The following C10orf53 variants were observed in gnomAD, a reference collection of about 807,000 sequenced individuals.
C10orf53 encodes the protein chromosome 10 open reading frame 53, also known as UPF0728 protein C10orf53.
In C10orf53, 8 loss-of-function variants were observed where a neutral mutation model predicts 9.4. That is an observed-to-expected ratio of 0.85 (90% CI 0.50 to 1.53). C10orf53 has a LOEUF of 1.53. Among genes scored for constraint, C10orf53 ranks in the 40% most tolerant of loss-of-function variants. C10orf53 has a pLI of 0.00. For missense variants in C10orf53, 117 were observed against 117.8 expected (o/e 0.99, Z 0.03); for synonymous variants, 48 against 46.0 (o/e 1.04, Z -0.18).
At chr10:49,682,540 C>G (rs1487906590) in intron 1 of C10orf53, among the ~76,000 whole-genome samples, 1 of 1,126 alleles carries the variant, frequency 8.9e-4, no homozygotes, top group East Asian at 2.6e-3. Context: ...TGGAGGGGGA[C>G]AGGAGCCAGT....
intron 2 of C10orf53, among the ~76,000 whole-genome samples, chr10:49,706,688 T>C (rs1198609058): frequency 6.6e-6 from 1 of 152,162 alleles, no homozygotes; most frequent in Non-Finnish European, 1.5e-5. Context: ...CATAGTAAAA[T>C]CCATTGAATT....
intron 2 of C10orf53, among the ~76,000 whole-genome samples, chr10:49,706,541 G>A (rs548554091): frequency 6.6e-6 from 1 of 152,288 alleles, no homozygotes; most frequent in Admixed American, 6.5e-5. Flanking sequence ...GACAGAAAGT[G>A]GATTAGTGGT....
rs140627175 is a variant in C10orf53 at position 49,689,149 on chromosome 10, G to A, written c.98-4625G>A. Among the ~76,000 whole-genome samples the A allele has an allele frequency of 6.7e-3, 1,024 of 152,274 alleles. 11 individuals carry two copies. Among genetic ancestry groups the A allele is most frequent in the Non-Finnish European group, 8.3e-3 (566 of 68,024 alleles). On this transcript the variant is annotated intron_variant, in intron 1 of 2. Transcript: ENST00000374111. ...CTAGAACCACAGGAGGCAAGACTGC[G>A]GAGGAAGCAAGGAAAGACAGGACTG... is the stretch of plus-strand genomic sequence containing the variant.
chr10:49,688,395 C>T lies in C10orf53; in HGVS notation c.98-5379C>T, dbSNP rs954990163. On this transcript the variant is annotated intron_variant, in intron 1 of 2. Coordinates refer to ENST00000374111, the MANE Select transcript of C10orf53 (RefSeq NM_001042427.3). Reference sequence around the variant, plus strand: ...ACCCCCTCTGCATTTTTTGTCCACCCGCCATCATCTCCTGCCTGGATTACT... The same window carrying T: ...ACCCCCTCTGCATTTTTTGTCCACCTGCCATCATCTCCTGCCTGGATTACT... 1.2e-4 allele frequency among the ~76,000 whole-genome samples: 19 copies of T among 152,168 alleles called. No individual in the cohort carries two copies. The Middle Eastern group carries it at 0.01, about 82-fold the overall frequency.
downstream of C10orf53, among the ~76,000 whole-genome samples, chr10:49,697,632 A>T (rs57878482): frequency 6.6e-6 from 1 of 152,062 alleles, no homozygotes; most frequent in Non-Finnish European, 1.5e-5. Context: ...GTTCACTGCA[A>T]CCTCTGCCTC....
intron 1 of C10orf53, among the ~76,000 whole-genome samples, chr10:49,693,380 C>T (rs1321953919): frequency 6.6e-6 from 1 of 152,084 alleles, no homozygotes; most frequent in Non-Finnish European, 1.5e-5. Flanking sequence ...TGCCAAATTG[C>T]CCTCCAGAAG....
chr10:49,689,917 A>C (rs1437466743), intron 1 of C10orf53, among the ~76,000 whole-genome samples: 1 of 152,234 alleles, frequency 6.6e-6, no homozygotes, highest in Non-Finnish European at 1.5e-5. Flanking sequence ...AGAGATCAAA[A>C]AACATATTTG....
At chr10:49,680,529 G>A (rs1840468885) in intron 1 of C10orf53, among the ~76,000 whole-genome samples, 1 of 152,236 alleles carries the variant, frequency 6.6e-6, no homozygotes, top group African/African-American at 2.4e-5. Context: ...AATAAATGAT[G>A]TATTAATATT....
intron 2 of C10orf53, among the ~76,000 whole-genome samples, chr10:49,704,461 C>T (rs1017481341): frequency 6.6e-6 from 1 of 152,176 alleles, no homozygotes; most frequent in Non-Finnish European, 1.5e-5. Context: ...AGATACTAGG[C>T]CAGGCGCAGT....
chr10:49,690,933 C>T (rs567367634), intron 1 of C10orf53, among the ~76,000 whole-genome samples: 1 of 152,298 alleles, frequency 6.6e-6, no homozygotes, highest in African/African-American at 2.4e-5. Context: ...GTTCCACCAG[C>T]ACCGGCAAGG....
At chr10:49,690,894 G>A (rs1326416437) in intron 1 of C10orf53, among the ~76,000 whole-genome samples, 1 of 152,294 alleles carries the variant, frequency 6.6e-6, no homozygotes, top group African/African-American at 2.4e-5. Flanking sequence ...CTGACCAGCG[G>A]CATTTAAATC....
At chr10:49,686,478 A>T (rs536576249) in intron 1 of C10orf53, among the ~76,000 whole-genome samples, 115 of 152,328 alleles carry the variant, frequency 7.5e-4, no homozygotes, top group African/African-American at 2.7e-3. Flanking sequence ...GGCAGAATAC[A>T]GCCGTATTTT....
downstream of C10orf53, among the ~76,000 whole-genome samples, chr10:49,698,424 GC>G (rs1400825138): frequency 3.3e-5 from 5 of 152,164 alleles, no homozygotes; most frequent in African/African-American, 1.2e-4. Flanking sequence ...AACACATGGT[GC>G]TGAGGGAGGA....
chr10:49,695,162 T>G lies in C10orf53; in HGVS notation c.*560T>G, dbSNP rs1564506821. On this transcript the variant is annotated 3_prime_UTR_variant, in exon 3 of 3. Coordinates refer to ENST00000374111, the MANE Select transcript of C10orf53 (RefSeq NM_001042427.3). ...AATTAGCCAAAATCAAATCTTCAAT[T>G]TCTCTCATCTAAAACAAGAAAATGA... 5.4e-6 allele frequency: 1 copy of G among 184,914 alleles called. No homozygotes were observed. The highest frequency in any genetic ancestry group is 1.0e-5 in the Non-Finnish European group (1 of 97,990). 11.5% of individuals were successfully genotyped at this position (184,914 alleles called of 1,614,324 possible).
intron 1 of C10orf53, among the ~76,000 whole-genome samples, chr10:49,686,779 C>T (rs1153785): frequency 0.95 from 144,470 of 152,276 alleles, 68,868 homozygotes; most frequent in Middle Eastern, 1. Context: ...TGTTAAGATG[C>T]TTATCAAGAC....
rs1240775493 is a variant in C10orf53 at position 49,697,522 on chromosome 10, T to C, written c.*2920T>C. ...ATGATTAACATGTAAAGAAAGTGTA[T>C]TTTAAAATAAAGTTAGAAGCATAGC... On this transcript the variant is annotated 3_prime_UTR_variant, in exon 3 of 3. Transcript: ENST00000374111. 1.3e-5 allele frequency among the ~76,000 whole-genome samples: 2 copies of C among 152,238 alleles called. No individual in the cohort carries two copies. Among genetic ancestry groups the C allele is most frequent in the Non-Finnish European group, 2.9e-5 (2 of 68,040 alleles).
chr10:49,708,691 G>A (rs1208486144), exon 3 of C10orf53: 32 of 1,563,188 alleles, frequency 2.0e-5, no homozygotes, highest in Non-Finnish European at 2.8e-5. Context: ...CCAGAATAAG[G>A]GTGAATAGAT....
chr10:49,701,928 G>A (rs145360446), downstream of C10orf53, among the ~76,000 whole-genome samples: 8 of 152,310 alleles, frequency 5.3e-5, no homozygotes, highest in Admixed American at 2.6e-4. Context: ...TTGGCCGGGC[G>A]TGGTGGCTCA....
chr10:49,684,592 C>CTAAG (rs34689479), intron 1 of C10orf53, among the ~76,000 whole-genome samples: 151,871 of 152,344 alleles, frequency 1, 75,701 homozygotes, highest in Middle Eastern at 1. Context: ...GCATATATTC[C>CTAAG]TGTTTTGTTC....
Sources: gnomAD v4.1 joint callset for allele counts (sites outside exome capture counted in the v4.1 genomes callset) on GRCh38, gnomAD v4.1.1 for gene constraint, MANE v1.5 for transcripts, NCBI Gene and HGNC (gene_info 2026-07-23, HGNC 2026-07-21) for gene names.